ROBO1: variants seen among roughly 807,000 people sequenced by gnomAD.
The protein encoded by ROBO1 is roundabout homolog 1.
A neutral mutation model predicts 195.9 loss-of-function variants in ROBO1; 149 were observed. The ratio of observed to expected loss-of-function variants is 0.76; its 90% CI spans 0.67 to 0.87. The LOEUF (loss-of-function observed/expected upper bound fraction) is 0.87. Ranked by LOEUF, ROBO1 falls within the 40% of genes least tolerant of loss-of-function variation. The pLI is 0.00. For missense variants in ROBO1, 1,933 were observed against 2,068.3 expected (o/e 0.93, Z 1.27); for synonymous variants, 816 against 733.2 (o/e 1.11, Z -1.82).
At chr3:78,623,298 A>G (rs1017330521) in intron 26 of ROBO1, among the ~76,000 whole-genome samples, 1 of 152,186 alleles carries the variant, frequency 6.6e-6, no homozygotes, top group African/African-American at 2.4e-5. Flanking sequence ...TCTTGGATCT[A>G]AAGGATACAT....
chr3:78,799,492 C>T (rs1245069246), intron 4 of ROBO1, among the ~76,000 whole-genome samples: 1 of 152,096 alleles, frequency 6.6e-6, no homozygotes, highest in Non-Finnish European at 1.5e-5. Flanking sequence ...CAGGCGCCCA[C>T]CACCATGCCC....
chr3:79,522,609 G>A (rs1037731509), intron 2 of ROBO1, among the ~76,000 whole-genome samples: 1 of 152,022 alleles, frequency 6.6e-6, no homozygotes, highest in African/African-American at 2.4e-5. Context: ...GATACCTACT[G>A]GGGAGCTTTA....
chr3:79,525,778 G>C (rs1181985791), intron 2 of ROBO1, among the ~76,000 whole-genome samples: 1 of 151,422 alleles, frequency 6.6e-6, no homozygotes, highest in Non-Finnish European at 1.5e-5. Flanking sequence ...GCTAAATTTT[G>C]TATTTTTAGT....
intron 2 of ROBO1, among the ~76,000 whole-genome samples, chr3:79,235,515 AC>A (rs5850418): frequency 0.02 from 3,001 of 152,186 alleles, 54 homozygotes; most frequent in Non-Finnish European, 0.032. Context: ...CCAAAGTCAC[AC>A]TTATCTGGGA....
At chr3:79,644,931 A>G (rs1329863817) in intron 1 of ROBO1, among the ~76,000 whole-genome samples, 2 of 152,148 alleles carry the variant, frequency 1.3e-5, no homozygotes, top group African/African-American at 2.4e-5. Context: ...ACACAAACAC[A>G]TGGAAATTAA....
chr3:79,619,763 G>T, intron 1 of ROBO1, among the ~76,000 whole-genome samples: 1 of 152,156 alleles, frequency 6.6e-6, no homozygotes, highest in East Asian at 1.9e-4. Context: ...ACCCTTAGAA[G>T]CTTTACCACC....
At chr3:79,757,915 A>G (rs1431431845) in intron 1 of ROBO1, among the ~76,000 whole-genome samples, 2 of 152,202 alleles carry the variant, frequency 1.3e-5, no homozygotes, top group African/African-American at 2.4e-5. Context: ...TAAAGAATTC[A>G]CCAAAAATAG....
chr3:79,329,955 A>T (rs1458991844), intron 2 of ROBO1, among the ~76,000 whole-genome samples: 1 of 152,076 alleles, frequency 6.6e-6, no homozygotes, highest in East Asian at 1.9e-4. Context: ...TAAACTCCAG[A>T]TATTTTTACT....
chr3:78,740,612 C>T (rs190697194), intron 5 of ROBO1, among the ~76,000 whole-genome samples: 89 of 152,002 alleles, frequency 5.9e-4, no homozygotes, highest in Non-Finnish European at 8.4e-4. Flanking sequence ...GCTGGGATTA[C>T]AGGCATGCAC....
intron 5 of ROBO1, among the ~76,000 whole-genome samples, chr3:78,719,223 G>A (rs1043990665): frequency 2.0e-5 from 3 of 151,918 alleles, no homozygotes; most frequent in Non-Finnish European, 4.4e-5. Context: ...CCAGAATGAC[G>A]CCTGCACGCA....
At chr3:79,059,942 C>T (rs2311355) in intron 3 of ROBO1, among the ~76,000 whole-genome samples, 145,300 of 152,066 alleles carry the variant, frequency 0.96, 69,789 homozygotes, top group East Asian at 1. Flanking sequence ...GCCTGCCGAG[C>T]TGGGCAGAAC....
At chr3:78,793,151 A>T (rs2084077180) in intron 4 of ROBO1, among the ~76,000 whole-genome samples, 1 of 151,908 alleles carries the variant, frequency 6.6e-6, no homozygotes, top group Non-Finnish European at 1.5e-5. Context: ...AAAAAAAAGA[A>T]AGAAAGAAAG....
intron 1 of ROBO1, among the ~76,000 whole-genome samples, chr3:79,748,902 A>G (rs116281967): frequency 0.012 from 1,876 of 152,298 alleles, 29 homozygotes; most frequent in African/African-American, 0.042. Flanking sequence ...CATCAGCAGC[A>G]TAAAAACAGA....
In ROBO1 at chr3:78,975,830, A is replaced by G. The variant is rs552025902; in HGVS notation, c.173-36903T>C. On this transcript the variant is annotated intron_variant, in intron 3 of 30. Coordinates refer to ENST00000464233, the MANE Select transcript of ROBO1 (RefSeq NM_002941.4). ...TACAAAAAGGAAGAAAAAAGTACCA[A>G]CTCTTAAGTGGTGAACATAATTATG... Among the ~76,000 whole-genome samples the G allele has an allele frequency of 9.9e-5, 15 of 152,140 alleles. 1 individual carries two copies. Among genetic ancestry groups the G allele is most frequent in the African/African-American group, 3.4e-4 (14 of 41,520 alleles).
chr3:79,705,095 T>A (rs889072634), intron 1 of ROBO1, among the ~76,000 whole-genome samples: 2 of 151,800 alleles, frequency 1.3e-5, no homozygotes, highest in Non-Finnish European at 2.9e-5. Context: ...CCTTTTCAGA[T>A]TTTTTTTGGC....
chr3:79,750,067 G>A (rs1420252426), intron 1 of ROBO1, among the ~76,000 whole-genome samples: 2 of 152,228 alleles, frequency 1.3e-5, no homozygotes, highest in Non-Finnish European at 2.9e-5. Flanking sequence ...CAAAGGCACA[G>A]GGGTGGAGCT....
chr3:79,368,343 A>T, intron 2 of ROBO1, among the ~76,000 whole-genome samples: 1 of 152,172 alleles, frequency 6.6e-6, no homozygotes, highest in Non-Finnish European at 1.5e-5. Context: ...GAGAGACTGC[A>T]TGGAAAATAA....
intron 2 of ROBO1, among the ~76,000 whole-genome samples, chr3:79,369,742 C>T (rs2036120647): frequency 6.6e-6 from 1 of 151,344 alleles, no homozygotes; most frequent in Non-Finnish European, 1.5e-5. Context: ...CTAATTCTAA[C>T]ATTATGCCAT....
At chr3:79,467,876 T>C (rs1938054499) in intron 2 of ROBO1, among the ~76,000 whole-genome samples, 1 of 152,172 alleles carries the variant, frequency 6.6e-6, no homozygotes, top group Non-Finnish European at 1.5e-5. Flanking sequence ...CTCCCCCTCC[T>C]GTAAGGAGTT....
Sources: gnomAD v4.1 joint callset for allele counts (sites outside exome capture counted in the v4.1 genomes callset) on GRCh38, gnomAD v4.1.1 for gene constraint, MANE v1.5 for transcripts, NCBI Gene and HGNC (gene_info 2026-07-23, HGNC 2026-07-21) for gene names.